The following PTPRD variants were observed in gnomAD, a reference collection of about 807,000 sequenced individuals.
The protein encoded by PTPRD is protein tyrosine phosphatase receptor type D, also known as receptor-type tyrosine-protein phosphatase delta.
A neutral mutation model predicts 214.5 loss-of-function variants in PTPRD; 34 were observed. That is an observed-to-expected ratio of 0.16 (90% confidence interval 0.12 to 0.21). The LOEUF (loss-of-function observed/expected upper bound fraction) is 0.21, where lower values mean the gene tolerates loss of function less well. Among genes scored for constraint, PTPRD ranks in the 10% least tolerant of loss-of-function variants. The probability of loss-of-function intolerance (pLI) is 1.00; values close to 1 mark genes in which losing one functional copy is unlikely to be tolerated. For synonymous variants in PTPRD, 1,128 were observed against 845.7 expected, an observed-to-expected ratio of 1.33 and a Z score of -5.79; for missense variants, 2,545 against 2,398.7, an observed-to-expected ratio of 1.06 and a Z score of -1.27.
intron 3 of PTPRD, among the ~76,000 whole-genome samples, chr9:10,060,823 TCTTTCTTCCTTCCTTCCTTCCTTTC>T (rs1555531196): frequency 1.9e-4 from 22 of 118,100 alleles, no homozygotes; most frequent in African/African-American, 1.1e-3. Context: ...TTTCTTTCTT[TCTTTCTTCCTTCCTTCCTTCCTTTC>T]CTTTCTTTCT....
At chr9:9,595,473 T>A (rs982084452) in intron 7 of PTPRD, among the ~76,000 whole-genome samples, 1 of 150,660 alleles carries the variant, frequency 6.6e-6, no homozygotes, top group African/African-American at 2.4e-5. Flanking sequence ...TATGTACACA[T>A]GCATACACAT....
At chr9:9,524,940 C>T (rs1172927052) in intron 8 of PTPRD, among the ~76,000 whole-genome samples, 1 of 152,220 alleles carries the variant, frequency 6.6e-6, no homozygotes, top group Non-Finnish European at 1.5e-5. Context: ...TCACTGCAAG[C>T]TCCGCCTTCC....
At chr9:9,215,282 G>C (rs144194821) in intron 9 of PTPRD, among the ~76,000 whole-genome samples, 6 of 152,080 alleles carry the variant, frequency 3.9e-5, no homozygotes, top group Admixed American at 3.3e-4. Flanking sequence ...TTATGCAATG[G>C]AGCAGTTACA....
At chr9:8,563,873 C>A (rs2087609119) in intron 14 of PTPRD, among the ~76,000 whole-genome samples, 1 of 152,202 alleles carries the variant, frequency 6.6e-6, no homozygotes, top group African/African-American at 2.4e-5. Context: ...CCATGTCAGA[C>A]AGGCCAGTCT....
At chr9:10,174,109 G>A (rs1278656967) in intron 3 of PTPRD, among the ~76,000 whole-genome samples, 1 of 152,040 alleles carries the variant, frequency 6.6e-6, no homozygotes, top group Non-Finnish European at 1.5e-5. Flanking sequence ...GTAGAGGTGA[G>A]GGTTAAAAAT....
Position 10,468,507 on chromosome 9 carries a change from G to C in PTPRD, c.-599-127490C>G, listed in dbSNP as rs574147085. Among the ~76,000 whole-genome samples the C allele has an allele frequency of 2.0e-5, 3 of 152,240 alleles. No individual in the cohort carries two copies. The South Asian group carries it at 6.2e-4, about 32-fold the overall frequency. On this transcript the variant is annotated intron_variant, in intron 2 of 45. Coordinates refer to ENST00000381196, the MANE Select transcript of PTPRD (RefSeq NM_002839.4). ...ACACACGGGCCTGTTGGGCAGTAGG[G>C]GGCCAGGGGAGGGATAGCATTAAAA...
intron 12 of PTPRD, among the ~76,000 whole-genome samples, chr9:8,649,566 T>C (rs895909182): frequency 3.9e-5 from 6 of 152,170 alleles, no homozygotes; most frequent in African/African-American, 1.4e-4. Context: ...AGATTTAAAA[T>C]GATGTTTGAT....
intron 8 of PTPRD, among the ~76,000 whole-genome samples, chr9:9,444,581 A>G (rs2089671072): frequency 6.6e-6 from 1 of 152,182 alleles, no homozygotes; most frequent in East Asian, 1.9e-4. Context: ...ATAACATTTT[A>G]GAATTAAGGT....
At chr9:10,015,493 C>A (rs2096687216) in intron 4 of PTPRD, among the ~76,000 whole-genome samples, 1 of 152,016 alleles carries the variant, frequency 6.6e-6, no homozygotes, top group Non-Finnish European at 1.5e-5. Flanking sequence ...AATCAACTGA[C>A]AATTGAGCTC....
At chr9:8,868,066 C>A (rs1261381503) in intron 11 of PTPRD, among the ~76,000 whole-genome samples, 1 of 152,110 alleles carries the variant, frequency 6.6e-6, no homozygotes, top group Non-Finnish European at 1.5e-5. Flanking sequence ...CTTGCAAACC[C>A]GTAGAATGAT....
rs186381006 is a variant in PTPRD at position 9,893,992 on chromosome 9, T to C, written c.-368+44515A>G. Among the ~76,000 whole-genome samples, 864 of 152,166 alleles carry C rather than the reference T, an allele frequency of 5.7e-3. 9 individuals carry two copies. Among genetic ancestry groups the C allele is most frequent in the Non-Finnish European group, 0.01 (706 of 67,984 alleles). ...CACACCCTGTGTTTGTTGTTGGTAT[T>C]TGGTAGAGAAGGGGTTTCACAATGT... On this transcript the variant is annotated intron_variant, in intron 5 of 45. Transcript: ENST00000381196.
intron 38 of PTPRD, 98 bp downstream of exon 38, chr9:8,376,509 A>C (rs2083291894): frequency 1.3e-6 from 2 of 1,545,962 alleles, no homozygotes; most frequent in African/African-American, 2.8e-5. Context: ...CATTGAGATC[A>C]AGATTTAAGT....
intron 10 of PTPRD, among the ~76,000 whole-genome samples, chr9:9,164,409 C>T (rs976617770): frequency 6.6e-6 from 1 of 152,048 alleles, no homozygotes; most frequent in Admixed American, 6.6e-5. Flanking sequence ...TACATTGGGC[C>T]CACCTAGGTA....
At chr9:9,150,228 G>C (rs1035689608) in intron 10 of PTPRD, among the ~76,000 whole-genome samples, 3 of 151,928 alleles carry the variant, frequency 2.0e-5, no homozygotes, top group Non-Finnish European at 4.4e-5. Context: ...TAGTGTTCCA[G>C]GGAGTATGTA....
intron 5 of PTPRD, among the ~76,000 whole-genome samples, chr9:9,935,624 T>C (rs1410077952): frequency 6.7e-6 from 1 of 149,230 alleles, no homozygotes; most frequent in Non-Finnish European, 1.5e-5. Flanking sequence ...GTAGGAACAA[T>C]CAATATCGTG....
At chr9:9,235,880 A>G (rs1331576509) in intron 9 of PTPRD, among the ~76,000 whole-genome samples, 1 of 152,160 alleles carries the variant, frequency 6.6e-6, no homozygotes, top group East Asian at 1.9e-4. Context: ...TTGTTTGGCC[A>G]TGATATTCTA....
In PTPRD at chr9:9,091,033, G is replaced by A. The variant is rs965394371; in HGVS notation, c.-142-72298C>T. ...GAAATTCGTCATTCGAAACATAGTG[G>A]AGGCCGCAGCAGTCAGGGACATTTC... is the stretch of plus-strand genomic sequence containing the variant. On this transcript the variant is annotated intron_variant, in intron 10 of 45. Coordinates refer to ENST00000381196, the MANE Select transcript of PTPRD (RefSeq NM_002839.4). The A allele has an allele frequency of 5.1e-6, 8 of 1,558,784 alleles. No homozygotes were observed. In the African/African-American group the frequency reaches 1.1e-4, roughly 21 times the overall value.
At chr9:9,076,265 A>G (rs148242210) in intron 10 of PTPRD, among the ~76,000 whole-genome samples, 10 of 152,018 alleles carry the variant, frequency 6.6e-5, no homozygotes, top group South Asian at 4.2e-4. Flanking sequence ...AAATTTGTTT[A>G]AGTTCTTTGT....
intron 36 of PTPRD, among the ~76,000 whole-genome samples, chr9:8,391,428 G>A (rs183222076): frequency 6.6e-6 from 1 of 152,236 alleles, no homozygotes; most frequent in Admixed American, 6.5e-5. Context: ...TGGGGTTTTG[G>A]CAGCTCTTTG....
Sources: allele counts gnomAD v4.1 joint callset (sites outside exome capture counted in the v4.1 genomes callset), GRCh38; gene constraint gnomAD v4.1.1; transcripts MANE v1.5; gene names NCBI Gene and HGNC (gene_info 2026-07-23, HGNC 2026-07-21).